The following CTTNBP2 variants were observed in gnomAD, a reference collection of about 807,000 sequenced individuals.
The protein encoded by CTTNBP2 is cortactin-binding protein 2.
CTTNBP2 carries 108 observed loss-of-function variants against 156.9 expected under a neutral mutation model. That is an observed-to-expected ratio of 0.69 (90% confidence interval 0.59 to 0.81). The LOEUF (loss-of-function observed/expected upper bound fraction) is 0.81, where lower values mean the gene tolerates loss of function less well. Ranked by LOEUF, CTTNBP2 falls within the 30% of genes least tolerant of loss-of-function variation. The pLI, the probability that CTTNBP2 is intolerant of heterozygous loss-of-function variation, is 0.00. For synonymous variants in CTTNBP2, 767 were observed against 751.8 expected (o/e 1.02, Z -0.33); for missense variants, 1,924 against 2,035.4 (o/e 0.95, Z 1.05).
intron 17 of CTTNBP2, among the ~76,000 whole-genome samples, chr7:117,727,054 A>T (rs376607764): frequency 6.6e-6 from 1 of 152,244 alleles, no homozygotes; most frequent in Non-Finnish European, 1.5e-5. Context: ...TTTAACTGAC[A>T]TAATAATGAA....
intron 2 of CTTNBP2, among the ~76,000 whole-genome samples, chr7:117,852,685 G>A (rs188696084): frequency 3.5e-4 from 53 of 152,214 alleles, no homozygotes; most frequent in South Asian, 1.2e-3. Flanking sequence ...AATTACCTGC[G>A]CTCAATTGCA....
At chr7:117,746,122 G>C (rs1168393211) in intron 12 of CTTNBP2, 23 bp from the exon 13 acceptor site, 1 of 1,562,572 alleles carries the variant, frequency 6.4e-7, no homozygotes, top group Non-Finnish European at 8.8e-7. Context: ...CAAGTAGAGA[G>C]CTAGGGTGAA....
At chr7:117,864,181 T>C (rs1803956883) in intron 1 of CTTNBP2, among the ~76,000 whole-genome samples, 1 of 152,076 alleles carries the variant, frequency 6.6e-6, no homozygotes. Flanking sequence ...TGTATTACCA[T>C]CAATAAAGAG....
chr7:117,870,118 A>T (rs1305400224), intron 1 of CTTNBP2, among the ~76,000 whole-genome samples: 1 of 152,160 alleles, frequency 6.6e-6, no homozygotes, highest in Non-Finnish European at 1.5e-5. Context: ...CCAAACTTCT[A>T]ATGCAAAATC....
At chr7:117,746,160 G>A (rs986794789) in intron 12 of CTTNBP2, 61 bp from the exon 13 acceptor site, 5 of 1,122,602 alleles carry the variant, frequency 4.5e-6, no homozygotes, top group Non-Finnish European at 6.7e-6. Context: ...AGAAAAAAGT[G>A]GTACACAGGT....
chr7:117,787,138 G>A (rs1280187568), intron 4 of CTTNBP2, among the ~76,000 whole-genome samples: 1 of 152,124 alleles, frequency 6.6e-6, no homozygotes, highest in Non-Finnish European at 1.5e-5. Context: ...TTCATCATGA[G>A]ACTATACTGT....
chr7:117,784,909 T>C (rs190144622), intron 4 of CTTNBP2, among the ~76,000 whole-genome samples: 1 of 152,288 alleles, frequency 6.6e-6, no homozygotes, highest in East Asian at 1.9e-4. Flanking sequence ...TTGTAACAGA[T>C]TTTTCTTTTT....
intron 9 of CTTNBP2, among the ~76,000 whole-genome samples, chr7:117,761,427 T>C (rs1242034081): frequency 6.6e-6 from 1 of 152,236 alleles, no homozygotes; most frequent in African/African-American, 2.4e-5. Context: ...CCCCATCTAC[T>C]TCTGTTCTCA....
At chr7:117,873,212 C>T (rs1008099924) in intron 1 of CTTNBP2, 123 bp downstream of exon 1, 19 of 712,720 alleles carry the variant, frequency 2.7e-5, no homozygotes, top group Non-Finnish European at 3.7e-5. Flanking sequence ...GATGAAGGGG[C>T]ACCGGAGAGT....
intron 3 of CTTNBP2, among the ~76,000 whole-genome samples, chr7:117,798,306 A>T (rs1471511499): frequency 6.6e-6 from 1 of 152,182 alleles, no homozygotes; most frequent in Non-Finnish European, 1.5e-5. Context: ...ACTACAAAAG[A>T]TATTCTTTTC....
rs1798178405 is a variant in CTTNBP2, at chr7:117,777,633, A to C, written c.2656T>G (p.Leu886Val). The C allele has an allele frequency of 6.2e-7, 1 of 1,614,084 alleles. No homozygotes were observed. The highest frequency in any genetic ancestry group is 8.5e-7 in the Non-Finnish European group (1 of 1,179,990). The stretch of plus-strand genomic sequence containing the variant: ...TCAGGACTCTCTTCTCCTCCATCCA[A>C]GTCAAAGACACTTGACTCGGACTCC... ...EEESESSVFD[L>V]DGGEESPEGI... Residue 886 changes from leucine to valine, a missense_variant, in exon 8 of 23, where the codon TTG becomes GTG. Leu to Val is a conservative substitution (Grantham distance 32). Coordinates refer to ENST00000160373, the MANE Select transcript of CTTNBP2 (RefSeq NM_033427.3).
chr7:117,837,516 T>C (rs766687140), intron 2 of CTTNBP2, among the ~76,000 whole-genome samples: 20 of 152,212 alleles, frequency 1.3e-4, no homozygotes, highest in Non-Finnish European at 2.2e-4. Context: ...ATAGTCAAAA[T>C]GCTTGGACCC....
At chr7:117,790,597 G>GT (rs570743867) in intron 4 of CTTNBP2, among the ~76,000 whole-genome samples, 1 of 143,888 alleles carries the variant, frequency 6.9e-6, no homozygotes, top group Non-Finnish European at 1.5e-5. Context: ...ATTTCTGAAG[G>GT]TAAAAAAAAA....
chr7:117,716,707 G>GCTTTTCTTC (rs1407953740), intron 22 of CTTNBP2, among the ~76,000 whole-genome samples: 1 of 152,164 alleles, frequency 6.6e-6, no homozygotes, highest in Non-Finnish European at 1.5e-5. Flanking sequence ...TGAAAGCCAT[G>GCTTTTCTTC]CTTTTCTTCA....
At chr7:117,841,577 T>A (rs147538017) in intron 2 of CTTNBP2, among the ~76,000 whole-genome samples, 1 of 152,328 alleles carries the variant, frequency 6.6e-6, no homozygotes, top group East Asian at 1.9e-4. Context: ...AATCCCAATG[T>A]GGTGGTTGCC....
chr7:117,836,346 T>G (rs374848645), intron 2 of CTTNBP2, among the ~76,000 whole-genome samples: 1 of 152,092 alleles, frequency 6.6e-6, no homozygotes, highest in Non-Finnish European at 1.5e-5. Context: ...GGGCGGATCA[T>G]GAGGTCAGGA....
rs755614753 is a variant in CTTNBP2, at chr7:117,791,381, C to A, written c.1815G>T (p.Lys605Asn). ...NRVINEENLP[K>N]SSSPQLPPKP... ...TTGGTGGCAGCTGAGGGGAGGATGACTTAGGAAGGTTCTCCTCATTGATCA... is the reference window on the plus strand; with the variant it reads ...TTGGTGGCAGCTGAGGGGAGGATGAATTAGGAAGGTTCTCCTCATTGATCA... The change falls in exon 4 of 23, where the codon AAG becomes AAT. Residue 605 changes from lysine to asparagine, a missense_variant. Physicochemically the swap from Lys to Asn is moderately conservative, Grantham distance 94 (BLOSUM62 0). Transcript: ENST00000160373. The A allele has an allele frequency of 6.2e-7, 1 of 1,614,138 alleles. No homozygotes were observed.
chr7:117,728,266 A>T lies in CTTNBP2; in HGVS notation c.3878T>A (p.Phe1293Tyr), dbSNP rs759457672. 3 of 1,607,610 alleles carry T rather than the reference A, an allele frequency of 1.9e-6. No homozygotes were observed. Among genetic ancestry groups the T allele is most frequent in the Non-Finnish European group, 2.5e-6 (3 of 1,176,492 alleles). The part of the protein sequence containing the change: ...RFLRRKVVNK[F>Y]KGQAPSPCDP... ...GCAGGGGGAGGGCGCCTGACCTTTG[A>T]ACTAGAGAGACAGGGAGGTGGAACC... The change falls in exon 17 of 23, where the codon TTC becomes TAC. Residue 1293 changes from phenylalanine to tyrosine, a missense_variant and splice_region_variant. Transcript: ENST00000160373.
intron 4 of CTTNBP2, among the ~76,000 whole-genome samples, chr7:117,789,200 C>T (rs1411672658): frequency 6.6e-6 from 1 of 152,164 alleles, no homozygotes; most frequent in Non-Finnish European, 1.5e-5. Flanking sequence ...GTTCCTCAGT[C>T]ATAGATCCTG....
Sources: gnomAD v4.1 joint callset for allele counts (sites outside exome capture counted in the v4.1 genomes callset) on GRCh38, gnomAD v4.1.1 for gene constraint, MANE v1.5 for transcripts, NCBI Gene and HGNC (gene_info 2026-07-23, HGNC 2026-07-21) for gene names.